Variants in ANKH observed in about 807,000 individuals in gnomAD.
The protein encoded by ANKH is ANKH inorganic pyrophosphate transport regulator, also known as mineralization regulator ANKH.
In ANKH, 15 loss-of-function variants were observed where a neutral mutation model predicts 49.0. The ratio of observed to expected loss-of-function variants is 0.31; its 90% CI spans 0.20 to 0.47. The LOEUF (loss-of-function observed/expected upper bound fraction) is 0.47. ANKH is among the 20% of genes least tolerant of loss of function. The pLI is 1.00. For missense variants in ANKH, 429 were observed against 652.0 expected, an observed-to-expected ratio of 0.66 and a Z score of 3.72; for synonymous variants, 273 against 260.0, an observed-to-expected ratio of 1.05 and a Z score of -0.48.
chr5:14,846,885 G>A (rs1000747413), intron 1 of ANKH, among the ~76,000 whole-genome samples: 1 of 151,884 alleles, frequency 6.6e-6, no homozygotes, highest in Non-Finnish European at 1.5e-5. Context: ...TTATGCACCT[G>A]TAGTCCCAGC....
In ANKH at chr5:14,807,660, T is replaced by C. The variant is rs1174558309; in HGVS notation, c.97-38469A>G. Among the ~76,000 whole-genome samples, 3 of 152,156 alleles carry C rather than the reference T, an allele frequency of 2.0e-5. No homozygotes were observed. In the East Asian group the frequency reaches 5.8e-4, roughly 29 times the overall value. On this transcript the variant is annotated intron_variant, in intron 1 of 11. Transcript: ENST00000284268. Reference sequence around the variant, plus strand: ...ACTGTGTCCCCCTATAGTAAGTCTATATGTCAGCAAAGTGGCAAATACAAG... The same window carrying C: ...ACTGTGTCCCCCTATAGTAAGTCTACATGTCAGCAAAGTGGCAAATACAAG...
At chr5:14,785,772 C>T (rs963691760) in intron 1 of ANKH, among the ~76,000 whole-genome samples, 5 of 151,974 alleles carry the variant, frequency 3.3e-5, no homozygotes, top group Admixed American at 6.6e-5. Context: ...TAATCTGTAT[C>T]GGCAGGGCGT....
At chr5:14,796,069 G>A (rs1014339802) in intron 1 of ANKH, among the ~76,000 whole-genome samples, 4 of 151,814 alleles carry the variant, frequency 2.6e-5, no homozygotes, top group African/African-American at 7.3e-5. Flanking sequence ...TCTTTTCGAC[G>A]TGATATTTTT....
At chr5:14,738,070 A>G (rs1028026145) in intron 8 of ANKH, among the ~76,000 whole-genome samples, 1 of 152,228 alleles carries the variant, frequency 6.6e-6, no homozygotes, top group African/African-American at 2.4e-5. Context: ...GGCAGAAGAC[A>G]TCTGCTGCTT....
In ANKH at chr5:14,710,363, GAA is replaced by G. The variant is rs1737119828; in HGVS notation, c.*832_*833del. 1 of 152,226 alleles carries G rather than the reference GAA, an allele frequency of 6.6e-6. No individual in the cohort carries two copies. The highest frequency in any genetic ancestry group is 6.5e-5 in the Admixed American group (1 of 15,286). The allele number at this position is 152,226 out of a possible 1,614,324, so 9.4% of individuals were successfully genotyped here. On this transcript the variant is annotated 3_prime_UTR_variant, in exon 12 of 12. Coordinates refer to ENST00000284268, the MANE Select transcript of ANKH (RefSeq NM_054027.6). Reference sequence around the variant, plus strand: ...AGGCGAGGGAAAAGCAAGCCTTCAGGAAAAGTCATGCGGCAGGGTCTGGAATC... The same window carrying G: ...AGGCGAGGGAAAAGCAAGCCTTCAGGAAGTCATGCGGCAGGGTCTGGAATC...
intron 1 of ANKH, among the ~76,000 whole-genome samples, chr5:14,849,260 A>G (rs542174968): frequency 6.6e-6 from 1 of 152,266 alleles, no homozygotes; most frequent in South Asian, 2.1e-4. Flanking sequence ...CCATCTTCTC[A>G]TCTATTTGGG....
chr5:14,800,532 T>G (rs1352881616), intron 1 of ANKH, among the ~76,000 whole-genome samples: 1 of 152,140 alleles, frequency 6.6e-6, no homozygotes, highest in Non-Finnish European at 1.5e-5. Context: ...ACCACCCTGA[T>G]CAGCCAGCAG....
chr5:14,870,695 A>G (rs1296034242), intron 1 of ANKH: 3 of 158,490 alleles, frequency 1.9e-5, no homozygotes, highest in African/African-American at 7.2e-5. Flanking sequence ...GAAAACGTGA[A>G]AAGAAACAAG....
intron 8 of ANKH, 142 bp from the exon 9 acceptor site, chr5:14,716,977 T>A: frequency 9.9e-7 from 1 of 1,006,194 alleles, no homozygotes; most frequent in Middle Eastern, 2.4e-4. Context: ...TGGTCCCAGA[T>A]CTGCCACCTG....
At chr5:14,846,569 A>T (rs534587814) in intron 1 of ANKH, among the ~76,000 whole-genome samples, 1 of 152,342 alleles carries the variant, frequency 6.6e-6, no homozygotes, top group African/African-American at 2.4e-5. Context: ...CAAGTGACAA[A>T]GTCCCAGAGA....
At chr5:14,742,667 G>A (rs1047696235) in intron 7 of ANKH, among the ~76,000 whole-genome samples, 1 of 152,292 alleles carries the variant, frequency 6.6e-6, no homozygotes, top group South Asian at 2.1e-4. Flanking sequence ...GTCCAACCCC[G>A]GTGAGGCTGT....
intron 1 of ANKH, among the ~76,000 whole-genome samples, chr5:14,859,468 A>C (rs1386680370): frequency 2.6e-5 from 4 of 152,224 alleles, no homozygotes. Flanking sequence ...TCAACAGTAC[A>C]CATAATTTAA....
intron 1 of ANKH, among the ~76,000 whole-genome samples, chr5:14,826,927 C>T (rs1334059237): frequency 1.3e-5 from 2 of 152,136 alleles, no homozygotes; most frequent in African/African-American, 2.4e-5. Context: ...CCATTTCTGG[C>T]CAATGGAATG....
At chr5:14,805,451 ATATATATG>A (rs1226827957) in intron 1 of ANKH, among the ~76,000 whole-genome samples, 2 of 80,524 alleles carry the variant, frequency 2.5e-5, no homozygotes, top group Non-Finnish European at 4.7e-5. Context: ...GTGTGTGTAT[ATATATATG>A]TACACACACA....
At chr5:14,715,350 C>T (rs558123204) in intron 9 of ANKH, among the ~76,000 whole-genome samples, 3 of 152,266 alleles carry the variant, frequency 2.0e-5, no homozygotes, top group Admixed American at 6.5e-5. Flanking sequence ...AGGCTGGTCT[C>T]GAACTCCTGA....
intron 8 of ANKH, among the ~76,000 whole-genome samples, chr5:14,727,557 T>C (rs1165862505): frequency 1.3e-5 from 2 of 151,794 alleles, no homozygotes; most frequent in Non-Finnish European, 2.9e-5. Flanking sequence ...CCGCAGAGGG[T>C]TGTCCAACTC....
At chr5:14,818,336 C>CT (rs1561069501) in intron 1 of ANKH, among the ~76,000 whole-genome samples, 3 of 151,750 alleles carry the variant, frequency 2.0e-5, no homozygotes, top group Non-Finnish European at 4.4e-5. Flanking sequence ...ATCTTTTTTT[C>CT]TTTTTTTAAT....
At chr5:14,753,138 G>A (rs1018308072) in intron 4 of ANKH, among the ~76,000 whole-genome samples, 1 of 152,126 alleles carries the variant, frequency 6.6e-6, no homozygotes, top group African/African-American at 2.4e-5. Flanking sequence ...GAATTGGGAG[G>A]ATGCAGGGTT....
intron 1 of ANKH, among the ~76,000 whole-genome samples, chr5:14,790,473 T>C (rs1488477589): frequency 1.3e-5 from 2 of 152,274 alleles, no homozygotes; most frequent in Non-Finnish European, 2.9e-5. Context: ...TTTGTTGACA[T>C]TGGCTGTAAA....
Sources: allele counts gnomAD v4.1 joint callset (sites outside exome capture counted in the v4.1 genomes callset), GRCh38; gene constraint gnomAD v4.1.1; transcripts MANE v1.5; gene names NCBI Gene and HGNC (gene_info 2026-07-23, HGNC 2026-07-21).